The following FEZ2 variants were observed in gnomAD, a reference collection of about 807,000 sequenced individuals.
FEZ2 encodes fasciculation and elongation protein zeta-2.
FEZ2 carries 51 observed loss-of-function variants against 40.4 expected under a neutral mutation model. The observed-to-expected ratio is 1.26, with a 90% CI of 1.01 to 1.59. FEZ2 has a LOEUF of 1.59. FEZ2 is among the 40% of genes most tolerant of loss of function. FEZ2 has a pLI of 0.00. For synonymous variants in FEZ2, 242 were observed against 172.0 expected (o/e 1.41, Z -3.18); for missense variants, 640 against 438.3 (o/e 1.46, Z -4.11).
intron 3 of FEZ2, chr2:36,581,670 T>A (rs974900948): frequency 6.8e-5 from 29 of 423,550 alleles, no homozygotes; most frequent in Admixed American, 5.5e-4. Context: ...ATTTACTACG[T>A]CCATCATGAT....
chr2:36,553,038 T>C lies in FEZ2; in HGVS notation c.*125A>G. ...AATTAGTGTAGTCAAGATCTGTTAA[T>C]ACTGAATCAAACCCAAGTTCAAATG... On this transcript the variant is annotated 3_prime_UTR_variant, in exon 8 of 8. Transcript: ENST00000405912. 4.0e-6 allele frequency: 3 copies of C among 744,020 alleles called. No homozygotes were observed. Among genetic ancestry groups the C allele is most frequent in the East Asian group, 5.4e-5 (2 of 37,156 alleles). 46.1% of individuals were successfully genotyped at this position (744,020 alleles called of 1,614,324 possible).
chr2:36,585,064 A>G (rs1668863251), intron 2 of FEZ2, among the ~76,000 whole-genome samples: 1 of 152,162 alleles, frequency 6.6e-6, no homozygotes, highest in Non-Finnish European at 1.5e-5. Flanking sequence ...AACTAAGAAC[A>G]CTGTGTGGAA....
chr2:36,585,188 G>A (rs190093435), intron 2 of FEZ2, among the ~76,000 whole-genome samples: 18 of 152,196 alleles, frequency 1.2e-4, no homozygotes, highest in African/African-American at 3.1e-4. Context: ...GAAAATAATC[G>A]ATGTAACTTC....
intron 2 of FEZ2, among the ~76,000 whole-genome samples, chr2:36,586,590 G>A (rs923942134): frequency 3.3e-5 from 5 of 150,818 alleles, no homozygotes; most frequent in Admixed American, 1.3e-4. Context: ...TGGTGCCACT[G>A]CGCTCCAGCC....
intron 1 of FEZ2, among the ~76,000 whole-genome samples, chr2:36,597,437 C>T (rs1669258683): frequency 2.0e-5 from 3 of 152,168 alleles, no homozygotes; most frequent in African/African-American, 4.8e-5. Flanking sequence ...ACGTTGTGTC[C>T]TAAGTGGGAG....
intron 5 of FEZ2, among the ~76,000 whole-genome samples, chr2:36,573,825 T>C (rs939970127): frequency 6.6e-6 from 1 of 152,222 alleles, no homozygotes; most frequent in East Asian, 1.9e-4. Context: ...GCCTGTGCAG[T>C]GTATATTCAA....
intron 5 of FEZ2, chr2:36,561,638 T>C (rs1668094557): frequency 1.3e-5 from 2 of 152,170 alleles, no homozygotes; most frequent in African/African-American, 4.8e-5. Context: ...TCAAGCATAG[T>C]AAAAAGCGTC....
intron 5 of FEZ2, 62 bp from the exon 6 acceptor site, chr2:36,558,575 T>A: frequency 4.2e-6 from 4 of 942,092 alleles, no homozygotes; most frequent in Non-Finnish European, 6.3e-6. Flanking sequence ...GCAAAAAATT[T>A]GATACTGTTA....
intron 2 of FEZ2, among the ~76,000 whole-genome samples, chr2:36,583,747 G>C (rs912264548): frequency 6.6e-6 from 1 of 152,194 alleles, no homozygotes; most frequent in Non-Finnish European, 1.5e-5. Flanking sequence ...TCATTAGCAA[G>C]TCATAGGGAA....
intron 5 of FEZ2, chr2:36,558,938 A>C (rs955542163): frequency 6.6e-6 from 1 of 152,586 alleles, no homozygotes; most frequent in African/African-American, 2.4e-5. Flanking sequence ...TCCAACAGCA[A>C]AATAATTCTG....
At chr2:36,571,912 G>A (rs1226650491) in intron 5 of FEZ2, among the ~76,000 whole-genome samples, 1 of 151,402 alleles carries the variant, frequency 6.6e-6, no homozygotes, top group Admixed American at 6.6e-5. Context: ...CTACTCGGGA[G>A]GCTGAGGCAG....
intron 2 of FEZ2, among the ~76,000 whole-genome samples, chr2:36,583,873 AT>A (rs1487944995): frequency 6.6e-6 from 1 of 152,244 alleles, no homozygotes; most frequent in Non-Finnish European, 1.5e-5. Context: ...AACTTCTAAT[AT>A]CTGAGTAAAA....
At chr2:36,595,454 T>C (rs1028382589) in intron 1 of FEZ2, among the ~76,000 whole-genome samples, 2 of 152,056 alleles carry the variant, frequency 1.3e-5, no homozygotes, top group Non-Finnish European at 2.9e-5. Flanking sequence ...CACGCTCCTA[T>C]GAGAATCTAA....
chr2:36,594,183 A>C (rs371912848), intron 1 of FEZ2, among the ~76,000 whole-genome samples: 1 of 152,022 alleles, frequency 6.6e-6, no homozygotes, highest in African/African-American at 2.4e-5. Context: ...AAAGCCATTC[A>C]ACAAGTCTCT....
At chr2:36,588,875 G>A (rs918618643) in intron 2 of FEZ2, among the ~76,000 whole-genome samples, 1 of 151,596 alleles carries the variant, frequency 6.6e-6, no homozygotes, top group Non-Finnish European at 1.5e-5. Context: ...CAATGAAATT[G>A]GATTAAACTG....
At position 36,597,940 on chromosome 2, in the gene FEZ2, C is replaced by G; in HGVS notation, c.203G>C (p.Gly68Ala). 6.9e-7 allele frequency: 1 copy of G among 1,448,160 alleles called. No homozygotes were observed. 89.7% of individuals were successfully genotyped at this position (1,448,160 alleles called of 1,614,324 possible). Residue 68 changes from glycine to alanine, a missense_variant, in exon 1 of 8, where the codon GGC becomes GCC. Transcript: ENST00000405912. ...LSLCFRPSDP[G>A]AEPPRTAVRP... ...CACGGCCGTCCTCGGGGGCTCGGCG[C>G]CCGGATCCGAGGGGCGGAAGCACAG... is the stretch of plus-strand genomic sequence containing the variant.
At chr2:36,565,265 A>C (rs377577870) in intron 5 of FEZ2, among the ~76,000 whole-genome samples, 12 of 152,324 alleles carry the variant, frequency 7.9e-5, no homozygotes, top group African/African-American at 2.9e-4. Flanking sequence ...GCCTCCTTCC[A>C]ATTAGTTCTC....
Position 36,553,179 on chromosome 2 carries a change from A to C in FEZ2, c.1046T>G (p.Val349Gly). 6.4e-7 allele frequency: 1 copy of C among 1,559,336 alleles called. No homozygotes were observed. Among genetic ancestry groups the C allele is most frequent in the African/African-American group, 1.4e-5 (1 of 73,658 alleles). ...PSLLTDYILKVLCPT is the reference protein window; with the variant it reads ...PSLLTDYILKGLCPT ...GTTGCTGCTCTATGTAGGACACAGA[A>C]CTAGAAGAAAAAGAGAACTTTTAGC... The change falls in exon 8 of 8, where the codon GTT becomes GGT. Residue 349 changes from valine (V) to glycine (G), a missense_variant and splice_region_variant. Val to Gly is a moderately radical substitution (Grantham distance 109). Coordinates refer to ENST00000405912, the MANE Select transcript of FEZ2 (RefSeq NM_005102.3).
intron 1 of FEZ2, among the ~76,000 whole-genome samples, chr2:36,593,667 A>G (rs1340820157): frequency 1.3e-5 from 2 of 152,026 alleles, no homozygotes; most frequent in Non-Finnish European, 2.9e-5. Flanking sequence ...CCCTAGGCCC[A>G]GCTCACGAAA....
Sources: allele counts gnomAD v4.1 joint callset (sites outside exome capture counted in the v4.1 genomes callset), GRCh38; gene constraint gnomAD v4.1.1; transcripts MANE v1.5; gene names NCBI Gene and HGNC (gene_info 2026-07-23, HGNC 2026-07-21).